Variants in MCF2L observed in about 807,000 individuals in gnomAD.
MCF2L encodes guanine nucleotide exchange factor DBS.
MCF2L carries 97 observed loss-of-function variants against 153.4 expected under a neutral mutation model. That is an observed-to-expected ratio of 0.63 (90% CI 0.54 to 0.75). The LOEUF (loss-of-function observed/expected upper bound fraction) is 0.75. MCF2L is among the 30% of genes least tolerant of loss of function. MCF2L has a pLI of 0.00. For missense variants in MCF2L, 1,347 were observed against 1,495.2 expected (o/e 0.90, Z 1.64); for synonymous variants, 659 against 632.2 (o/e 1.04, Z -0.64).
intron 1 of MCF2L, among the ~76,000 whole-genome samples, chr13:113,008,152 A>G (rs998790945): frequency 1.3e-5 from 2 of 152,116 alleles, no homozygotes; most frequent in Admixed American, 6.5e-5. Flanking sequence ...CCTGACCTCA[A>G]GTGATTTGTC....
chr13:112,921,667 C>T (rs533241523), intron 2 of MCF2L, among the ~76,000 whole-genome samples: 1 of 152,302 alleles, frequency 6.6e-6, no homozygotes, highest in Admixed American at 6.5e-5. Context: ...ACGACAGAGA[C>T]ACCCTCAAAT....
chr13:112,926,622 G>A (rs1161838657), intron 2 of MCF2L, among the ~76,000 whole-genome samples: 2 of 152,190 alleles, frequency 1.3e-5, no homozygotes, highest in South Asian at 2.1e-4. Flanking sequence ...GTGGAGTGCT[G>A]TATAGCCTTG....
chr13:113,066,549 G>A (rs368935836), intron 8 of MCF2L, among the ~76,000 whole-genome samples: 150 of 152,306 alleles, frequency 9.8e-4, no homozygotes, highest in African/African-American at 3.5e-3. Flanking sequence ...TCTCCTTGCT[G>A]CAGATAGTGT....
chr13:113,020,884 ATGTGTGTATGTGTAGATGTG>A lies in MCF2L; in HGVS notation c.164-3756_164-3737del, dbSNP rs761646389. ...AGTGTGTATATGTGTGTATGTGTAG[ATGTGTGTATGTGTAGATGTG>A]TGTATGTGTGTGTATGTGTAGTGTG... On this transcript the variant is annotated intron_variant, in intron 2 of 29. Transcript: ENST00000535094. Among the ~76,000 whole-genome samples the A allele has an allele frequency of 1.9e-3, 187 of 99,584 alleles. 2 individuals carry two copies. Among genetic ancestry groups the A allele is most frequent in the Non-Finnish European group, 3.1e-3 (149 of 47,748 alleles). The allele number at this position is 99,584 out of a possible 152,430, so 65.3% of individuals were successfully genotyped here.
chr13:113,036,896 C>T (rs938362079), intron 3 of MCF2L, among the ~76,000 whole-genome samples: 4 of 152,250 alleles, frequency 2.6e-5, no homozygotes, highest in African/African-American at 9.6e-5. Flanking sequence ...TCCTAGGCCT[C>T]ACTCTCAAAT....
chr13:112,903,297 T>C (rs1294585480), intron 2 of MCF2L, among the ~76,000 whole-genome samples: 1 of 152,240 alleles, frequency 6.6e-6, no homozygotes, highest in African/African-American at 2.4e-5. Context: ...GCATTTGCGC[T>C]GATTAGTGGA....
At chr13:113,084,628 GTCTCCACTCCACGCCTGTGCTCTGGGA>G in intron 18 of MCF2L, 1 of 514,296 alleles carries the variant, frequency 1.9e-6, no homozygotes, top group Non-Finnish European at 3.4e-6. Context: ...GTGGAACCCC[GTCTCCACTCCACGCCTGTGCTCTGGGA>G]AGTCAGGGGC....
intron 7 of MCF2L, 196 bp downstream of exon 7, chr13:113,065,281 G>A (rs1202381355): frequency 2.1e-5 from 13 of 610,636 alleles, no homozygotes; most frequent in Non-Finnish European, 3.2e-5. Flanking sequence ...CGACGAGAAC[G>A]GAATAAAAGG....
rs1040301302 is a variant in MCF2L, at chr13:113,026,799, G to C, written c.278+2041G>C. ...TGGTTCCCTCAGGCTGCAGTTTTTT[G>C]TTTTGTTCCAGACAGAGCTGGGTCC... On this transcript the variant is annotated intron_variant, in intron 3 of 29. Transcript: ENST00000535094. The C allele has an allele frequency of 3.5e-5, 21 of 607,486 alleles. No homozygotes were observed. The African/African-American group carries it at 3.7e-4, about 11-fold the overall frequency. The allele number at this position is 607,486 out of a possible 1,614,324, so 37.6% of individuals were successfully genotyped here.
intron 1 of MCF2L, among the ~76,000 whole-genome samples, chr13:112,972,514 G>T (rs1281230258): frequency 6.6e-6 from 1 of 150,804 alleles, no homozygotes; most frequent in Non-Finnish European, 1.5e-5. Context: ...ATGGATGTGT[G>T]AGTGGATGGA....
chr13:113,030,951 G>A (rs2085648330), intron 3 of MCF2L, among the ~76,000 whole-genome samples: 1 of 152,210 alleles, frequency 6.6e-6, no homozygotes, highest in African/African-American at 2.4e-5. Context: ...AGAAAATTGT[G>A]GCGCTGAGAC....
At chr13:113,026,547 A>G (rs76052732) in intron 3 of MCF2L, among the ~76,000 whole-genome samples, 3,498 of 152,244 alleles carry the variant, frequency 0.023, 125 homozygotes, top group African/African-American at 0.081. Context: ...GCTCCCTCGT[A>G]TACCATCACT....
intron 1 of MCF2L, among the ~76,000 whole-genome samples, chr13:112,897,646 A>G (rs2081080700): frequency 6.6e-6 from 1 of 152,264 alleles, no homozygotes; most frequent in South Asian, 2.1e-4. Context: ...ACATCTAGTG[A>G]GAAAGTGATG....
Position 113,096,902 on chromosome 13 carries a change from G to A in MCF2L, c.*43G>A, listed in dbSNP as rs764974300. The A allele has an allele frequency of 1.5e-5, 19 of 1,278,744 alleles. No homozygotes were observed. Among genetic ancestry groups the A allele is most frequent in the Admixed American group, 4.1e-5 (1 of 24,498 alleles). 79.2% of individuals were successfully genotyped at this position (1,278,744 alleles called of 1,614,324 possible). A position where few individuals can be genotyped will look rare whatever the true frequency, so the allele number is the denominator to read the frequency against. The stretch of plus-strand genomic sequence containing the variant: ...AGACCCGCGCGCTGTCTGGGGCTGC[G>A]GTGGCGTGGGGAGGGCGCGGCCCCC... On this transcript the variant is annotated 3_prime_UTR_variant, in exon 30 of 30. Coordinates refer to ENST00000535094, the MANE Select transcript of MCF2L (RefSeq NM_001112732.3).
intron 3 of MCF2L, among the ~76,000 whole-genome samples, chr13:113,032,656 C>A (rs1464324269): frequency 6.6e-6 from 1 of 152,188 alleles, no homozygotes; most frequent in South Asian, 2.1e-4. Flanking sequence ...GCCACCTCAA[C>A]CTCCTGGGCC....
Position 113,060,635 on chromosome 13 carries a change from C to CCGA in MCF2L, c.415_417dup (p.Thr139dup), listed in dbSNP as rs762117103. 6.2e-7 allele frequency: 1 copy of CCGA among 1,613,638 alleles called. No individual in the cohort carries two copies. The highest frequency in any genetic ancestry group is 1.3e-5 in the African/African-American group (1 of 75,050). On this transcript the variant is annotated inframe_insertion, in exon 5 of 30. Transcript: ENST00000535094. ...CCTGCAGCTCGTCCTCGTGCTTCGCCCGACGGGTTTTTTCCAAAGGACTCT... is the reference window on the plus strand; with the variant it reads ...CCTGCAGCTCGTCCTCGTGCTTCGCCCGACGACGGGTTTTTTCCAAAGGACTCT...
At position 113,027,095 on chromosome 13, in the gene MCF2L, A is replaced by C. The variant is rs1204451852; in HGVS notation, c.278+2337A>C. The C allele has an allele frequency of 2.3e-5, 17 of 737,472 alleles. 1 individual carries two copies. Among genetic ancestry groups the C allele is most frequent in the South Asian group, 2.3e-4 (16 of 69,644 alleles). The allele number at this position is 737,472 out of a possible 1,614,324, so 45.7% of individuals were successfully genotyped here. On this transcript the variant is annotated intron_variant, in intron 3 of 29. Coordinates refer to ENST00000535094, the MANE Select transcript of MCF2L (RefSeq NM_001112732.3). The surrounding 1 kb of genome is among the most constrained non-coding windows in gnomAD (Gnocchi z 4.8). ...ATGGCATCTGTATCCCGCACATTAC[A>C]TAAGGTGGCAAAACACAGAGGAGAT...
chr13:112,980,196 G>C (rs7316954), intron 1 of MCF2L, among the ~76,000 whole-genome samples: 79,333 of 152,212 alleles, frequency 0.52, 21,652 homozygotes, highest in Non-Finnish European at 0.61. Flanking sequence ...GGTGGACCAA[G>C]AATGCCATTC....
At chr13:112,992,712 C>T (rs1403559716) in intron 1 of MCF2L, among the ~76,000 whole-genome samples, 2 of 152,196 alleles carry the variant, frequency 1.3e-5, no homozygotes, top group Non-Finnish European at 2.9e-5. Context: ...AAAGGTGGAA[C>T]TTGGCACTTA....
Sources: allele counts gnomAD v4.1 joint callset (sites outside exome capture counted in the v4.1 genomes callset), GRCh38; gene constraint gnomAD v4.1.1; non-coding constraint Gnocchi (gnomAD v3.1); transcripts MANE v1.5; gene names NCBI Gene and HGNC (gene_info 2026-07-23, HGNC 2026-07-21).